RAB3GAP1: variants seen among roughly 807,000 people sequenced by gnomAD.
The protein encoded by RAB3GAP1 is rab3 GTPase-activating protein catalytic subunit.
A neutral mutation model predicts 130.7 loss-of-function variants in RAB3GAP1; 86 were observed. That is an observed-to-expected ratio of 0.66 (90% CI 0.55 to 0.79). The LOEUF (loss-of-function observed/expected upper bound fraction) is 0.79, where lower values mean the gene tolerates loss of function less well. RAB3GAP1 is among the 30% of genes least tolerant of loss of function. The pLI is 0.00. For synonymous variants in RAB3GAP1, 367 were observed against 401.7 expected (o/e 0.91, Z 1.03); for missense variants, 1,029 against 1,169.4 (o/e 0.88, Z 1.75).
intron 17 of RAB3GAP1, among the ~76,000 whole-genome samples, chr2:135,147,624 C>CT (rs56769626): frequency 0.051 from 7,259 of 142,618 alleles, 392 homozygotes; most frequent in African/African-American, 0.13. Context: ...CTCCCCCCCC[C>CT]TTTTTTTTTT....
chr2:135,162,720 A>G, intron 20 of RAB3GAP1, 28 bp from the exon 21 acceptor site: 1 of 1,607,678 alleles, frequency 6.2e-7, no homozygotes, highest in Non-Finnish European at 8.5e-7. Context: ...AATTTATTTA[A>G]TGCTGGCTTC....
chr2:135,150,844 A>G (rs964776754), intron 18 of RAB3GAP1, among the ~76,000 whole-genome samples: 2 of 152,212 alleles, frequency 1.3e-5, no homozygotes, highest in African/African-American at 4.8e-5. Flanking sequence ...ACTTCACTCA[A>G]TGAACTTTTG....
chr2:135,103,034 G>GT (rs1355666279), intron 5 of RAB3GAP1, among the ~76,000 whole-genome samples: 2 of 100,478 alleles, frequency 2.0e-5, no homozygotes, highest in African/African-American at 1.4e-4. Flanking sequence ...TCATTTTTGT[G>GT]ATTTTTTTTT....
chr2:135,072,234 A>C (rs1334542315), intron 3 of RAB3GAP1, among the ~76,000 whole-genome samples: 1 of 152,198 alleles, frequency 6.6e-6, no homozygotes, highest in Non-Finnish European at 1.5e-5. Flanking sequence ...TGTTGGAGGA[A>C]GGGACTTATC....
intron 5 of RAB3GAP1, 33 bp downstream of exon 5, chr2:135,093,726 A>G (rs775056072): frequency 2.6e-6 from 4 of 1,522,302 alleles, no homozygotes; most frequent in South Asian, 1.1e-5. Flanking sequence ...ATCTTTTAGT[A>G]TGTGTGTTGC....
chr2:135,123,995 G>T, intron 8 of RAB3GAP1, 170 bp from the exon 9 acceptor site: 1 of 612,162 alleles, frequency 1.6e-6, no homozygotes. Context: ...ATTCTCTGGG[G>T]AAGTCAAATA....
At chr2:135,079,257 A>G (rs1300873468) in intron 3 of RAB3GAP1, among the ~76,000 whole-genome samples, 1 of 152,154 alleles carries the variant, frequency 6.6e-6, no homozygotes, top group East Asian at 1.9e-4. Flanking sequence ...AAGTGCTGCA[A>G]TTACAGGACT....
intron 23 of RAB3GAP1, among the ~76,000 whole-genome samples, chr2:135,166,091 G>C (rs1692640156): frequency 6.6e-6 from 1 of 151,340 alleles, no homozygotes; most frequent in Admixed American, 6.6e-5. Flanking sequence ...AGAATCACTT[G>C]AACCCGAGAG....
chr2:135,111,442 A>G (rs1027507888), intron 5 of RAB3GAP1, among the ~76,000 whole-genome samples: 1 of 152,196 alleles, frequency 6.6e-6, no homozygotes, highest in Non-Finnish European at 1.5e-5. Flanking sequence ...GAGAAGTTTT[A>G]ATTAATGTAG....
rs532909110 is a variant in RAB3GAP1, at chr2:135,070,891, A to G, written c.150+12805A>G. Among the ~76,000 whole-genome samples the G allele has an allele frequency of 9.1e-4, 138 of 152,326 alleles. 1 individual carries two copies. Among genetic ancestry groups the G allele is most frequent in the African/African-American group, 3.0e-3 (124 of 41,570 alleles). On this transcript the variant is annotated intron_variant, in intron 3 of 23. Transcript: ENST00000264158. ...GCACAATTTTCTTGGGAGGTGGTCC[A>G]TAGCTTTTGTCAGATACTCAAAGGA... is the stretch of plus-strand genomic sequence containing the variant.
chr2:135,062,896 C>T (rs1290366922), intron 3 of RAB3GAP1, among the ~76,000 whole-genome samples: 2 of 152,194 alleles, frequency 1.3e-5, no homozygotes, highest in South Asian at 2.1e-4. Context: ...CCTGGCTAAA[C>T]GCACTTATTA....
chr2:135,153,571 A>C (rs1321388318), intron 18 of RAB3GAP1, 78 bp from the exon 19 acceptor site: 1 of 1,367,616 alleles, frequency 7.3e-7, no homozygotes, highest in African/African-American at 1.4e-5. Flanking sequence ...TTTTTTTGAA[A>C]ATACAATTTT....
At chr2:135,147,955 A>G (rs1299932691) in intron 17 of RAB3GAP1, among the ~76,000 whole-genome samples, 1 of 147,722 alleles carries the variant, frequency 6.8e-6, no homozygotes, top group Non-Finnish European at 1.5e-5. Context: ...AATACTTTTT[A>G]AATTTAGTGC....
intron 3 of RAB3GAP1, among the ~76,000 whole-genome samples, chr2:135,080,778 T>C (rs1236570223): frequency 6.6e-6 from 1 of 152,202 alleles, no homozygotes; most frequent in Non-Finnish European, 1.5e-5. Context: ...TATCTCAAGT[T>C]CCCCTTTGTT....
chr2:135,136,851 A>T, intron 17 of RAB3GAP1: 2 of 384,858 alleles, frequency 5.2e-6, no homozygotes, highest in Non-Finnish European at 8.6e-6. Context: ...GCCCCACACC[A>T]AGGTGGGAGT....
chr2:135,079,503 G>A (rs775151116), intron 3 of RAB3GAP1, among the ~76,000 whole-genome samples: 8 of 152,118 alleles, frequency 5.3e-5, no homozygotes, highest in Non-Finnish European at 1.0e-4. Context: ...GGCTTCCATG[G>A]TCAGGTCTCT....
At position 135,138,833 on chromosome 2, in the gene RAB3GAP1, T is replaced by A. The variant is rs141428593; in HGVS notation, c.1923+2901T>A. 1.9e-4 allele frequency among the ~76,000 whole-genome samples: 29 copies of A among 152,200 alleles called. No homozygotes were observed. In the East Asian group the frequency reaches 5.6e-3, roughly 29 times the overall value. On this transcript the variant is annotated intron_variant, in intron 17 of 23. Transcript: ENST00000264158. ...AGTCTTGCTATGTTGCCCAAGCTGGTCCTAAACTCCTGACCTCAAGCAATC... is the reference window on the plus strand; with the variant it reads ...AGTCTTGCTATGTTGCCCAAGCTGGACCTAAACTCCTGACCTCAAGCAATC...
chr2:135,056,981 A>G (rs998220928), intron 2 of RAB3GAP1, among the ~76,000 whole-genome samples: 1 of 152,348 alleles, frequency 6.6e-6, no homozygotes, highest in East Asian at 1.9e-4. Context: ...TTAGAGAGCA[A>G]TGTTGCTGTT....
chr2:135,122,893 A>G (rs180692183), intron 8 of RAB3GAP1, among the ~76,000 whole-genome samples: 2 of 151,920 alleles, frequency 1.3e-5, no homozygotes, highest in East Asian at 1.9e-4. Context: ...ACGCCTGGCT[A>G]ATTTTTGTAT....
Sources: allele counts gnomAD v4.1 joint callset (sites outside exome capture counted in the v4.1 genomes callset), GRCh38; gene constraint gnomAD v4.1.1; transcripts MANE v1.5; gene names NCBI Gene and HGNC (gene_info 2026-07-23, HGNC 2026-07-21).